The following ANKS1B variants were observed in gnomAD, a reference collection of about 807,000 sequenced individuals.
ANKS1B encodes the protein ankyrin repeat and sterile alpha motif domain-containing protein 1B.
A neutral mutation model predicts 148.3 loss-of-function variants in ANKS1B; 36 were observed. The observed-to-expected ratio is 0.24, with a 90% CI of 0.19 to 0.32. The LOEUF (loss-of-function observed/expected upper bound fraction) is 0.32, where lower values mean the gene tolerates loss of function less well. ANKS1B is among the 10% of genes least tolerant of loss of function. ANKS1B has a pLI of 1.00. For synonymous variants in ANKS1B, 542 were observed against 560.8 expected (o/e 0.97, Z 0.47); for missense variants, 1,157 against 1,542.6 (o/e 0.75, Z 4.19).
intron 8 of ANKS1B, among the ~76,000 whole-genome samples, chr12:99,761,591 A>G (rs913094678): frequency 6.6e-6 from 1 of 152,124 alleles, no homozygotes; most frequent in Non-Finnish European, 1.5e-5. Flanking sequence ...AGCCAACATT[A>G]TAATAAATGG....
intron 15 of ANKS1B, among the ~76,000 whole-genome samples, chr12:99,133,053 T>TTTTTTTTTTTTTTTTTTTG (rs2066665181): frequency 6.7e-6 from 1 of 149,582 alleles, no homozygotes. Context: ...TTTTTCTTTC[T>TTTTTTTTTTTTTTTTTTTG]TTCTTTTTTT....
intron 10 of ANKS1B, among the ~76,000 whole-genome samples, chr12:99,478,024 T>C (rs891289889): frequency 6.6e-6 from 1 of 152,204 alleles, no homozygotes; most frequent in Non-Finnish European, 1.5e-5. Context: ...TTAAATATTA[T>C]GCAACACTTA....
chr12:99,706,136 G>T (rs930384033), intron 8 of ANKS1B, among the ~76,000 whole-genome samples: 3 of 152,050 alleles, frequency 2.0e-5, no homozygotes, highest in Middle Eastern at 3.2e-3. Flanking sequence ...CTTGTGTGGG[G>T]TACTGTTATA....
intron 1 of ANKS1B, among the ~76,000 whole-genome samples, chr12:99,833,517 A>G (rs184966118): frequency 9.8e-5 from 15 of 152,312 alleles, no homozygotes; most frequent in Non-Finnish European, 4.4e-5. Context: ...TAAGAACAAG[A>G]GAATGGCTGA....
intron 12 of ANKS1B, among the ~76,000 whole-genome samples, chr12:99,261,203 C>T (rs1197398741): frequency 1.3e-5 from 2 of 152,124 alleles, no homozygotes; most frequent in Non-Finnish European, 2.9e-5. Context: ...AAATCTCTAC[C>T]TTCCTGAAAT....
At chr12:99,951,534 T>C (rs2095221674) in intron 1 of ANKS1B, among the ~76,000 whole-genome samples, 1 of 152,156 alleles carries the variant, frequency 6.6e-6, no homozygotes, top group Non-Finnish European at 1.5e-5. Context: ...TGGTGTTGAC[T>C]AGACCTCACA....
chr12:99,028,339 T>A (rs889392335), intron 17 of ANKS1B, among the ~76,000 whole-genome samples: 5 of 152,244 alleles, frequency 3.3e-5, no homozygotes, highest in African/African-American at 1.2e-4. Context: ...TCAAGCATTG[T>A]TTTTGCTCAA....
intron 15 of ANKS1B, among the ~76,000 whole-genome samples, chr12:99,102,642 G>A (rs898035532): frequency 6.6e-6 from 1 of 152,192 alleles, no homozygotes; most frequent in African/African-American, 2.4e-5. Context: ...TACTCCGGGG[G>A]CTGATGTGGG....
chr12:99,028,184 A>T (rs1271947921), intron 17 of ANKS1B, among the ~76,000 whole-genome samples: 2 of 152,258 alleles, frequency 1.3e-5, no homozygotes, highest in East Asian at 3.8e-4. Flanking sequence ...ATTTGCACAC[A>T]ACAAAATGTA....
At chr12:99,321,001 C>T (rs968941529) in intron 12 of ANKS1B, among the ~76,000 whole-genome samples, 16 of 152,264 alleles carry the variant, frequency 1.1e-4, no homozygotes, top group African/African-American at 3.1e-4. Context: ...GTATCCCCAG[C>T]GGAGGCTGCA....
At chr12:98,873,317 T>C (rs2099677199) in intron 17 of ANKS1B, among the ~76,000 whole-genome samples, 1 of 152,236 alleles carries the variant, frequency 6.6e-6, no homozygotes, top group African/African-American at 2.4e-5. Context: ...TTTGTGGTCA[T>C]GTATTTGACA....
intron 10 of ANKS1B, among the ~76,000 whole-genome samples, chr12:99,477,944 TAAA>T (rs1253896990): frequency 2.0e-5 from 3 of 151,952 alleles, no homozygotes; most frequent in African/African-American, 7.3e-5. Flanking sequence ...TAGTGGAAAA[TAAA>T]AAAGTAATTC....
At chr12:99,214,850 T>G (rs2083906904) in intron 14 of ANKS1B, among the ~76,000 whole-genome samples, 1 of 152,140 alleles carries the variant, frequency 6.6e-6, no homozygotes, top group Non-Finnish European at 1.5e-5. Context: ...GACCAAAAAG[T>G]CCAGGCTGAG....
intron 4 of ANKS1B, among the ~76,000 whole-genome samples, chr12:99,805,262 G>GAAAAAAAAAAAAAAAAAAA (rs1567880890): frequency 1.2e-4 from 1 of 8,306 alleles, no homozygotes; most frequent in African/African-American, 5.8e-4. Flanking sequence ...GGAGGAAAAG[G>GAAAAAAAAAAAAAAAAAAA]CAAAAAAAAA....
intron 12 of ANKS1B, among the ~76,000 whole-genome samples, chr12:99,359,176 G>A (rs944620608): frequency 6.6e-6 from 1 of 151,908 alleles, no homozygotes. Context: ...TTGGAAGCTC[G>A]GGATGAAATA....
At chr12:99,313,925 A>C (rs2083585909) in intron 12 of ANKS1B, among the ~76,000 whole-genome samples, 1 of 152,180 alleles carries the variant, frequency 6.6e-6, no homozygotes, top group South Asian at 2.1e-4. Flanking sequence ...TAGGGCAATC[A>C]GGCAAGAGAA....
In ANKS1B at chr12:99,850,114, C is replaced by G. The variant is rs1320554241; in HGVS notation, c.135-24725G>C. Among the ~76,000 whole-genome samples the G allele has an allele frequency of 4.6e-5, 7 of 152,098 alleles. No homozygotes were observed. The East Asian group carries it at 1.2e-3, about 25-fold the overall frequency. On this transcript the variant is annotated intron_variant, in intron 1 of 26. Coordinates refer to ENST00000683438, the MANE Select transcript of ANKS1B (RefSeq NM_001352186.2). ...AGATTTCATTAGATAACAGTGGTAA[C>G]AGAAATTGGAAAAATACAATTGTTT...
At chr12:99,235,698 GA>G (rs1220633311) in intron 14 of ANKS1B, among the ~76,000 whole-genome samples, 1 of 152,134 alleles carries the variant, frequency 6.6e-6, no homozygotes, top group Non-Finnish European at 1.5e-5. Context: ...GAAATTTTGA[GA>G]ATTGTTTCTT....
chr12:99,235,549 C>T (rs772809097), intron 14 of ANKS1B, among the ~76,000 whole-genome samples: 6 of 152,148 alleles, frequency 3.9e-5, no homozygotes, highest in Admixed American at 1.3e-4. Flanking sequence ...GAAAGAATTA[C>T]GTGGCAACAT....
Sources: allele counts gnomAD v4.1 joint callset (sites outside exome capture counted in the v4.1 genomes callset), GRCh38; gene constraint gnomAD v4.1.1; transcripts MANE v1.5; gene names NCBI Gene and HGNC (gene_info 2026-07-23, HGNC 2026-07-21).